The following NPAS3 variants were observed in gnomAD, a reference collection of about 807,000 sequenced individuals.
The protein encoded by NPAS3 is neuronal PAS domain-containing protein 3.
A neutral mutation model predicts 73.1 loss-of-function variants in NPAS3; 14 were observed. The ratio of observed to expected loss-of-function variants is 0.19; its 90% CI spans 0.13 to 0.30. The LOEUF is 0.30. Among genes scored for constraint, NPAS3 ranks in the 10% least tolerant of loss-of-function variants. The probability of loss-of-function intolerance (pLI) is 1.00; values close to 1 mark genes in which losing one functional copy is unlikely to be tolerated. For missense variants in NPAS3, 1,096 were observed against 1,250.0 expected (o/e 0.88, Z 1.86); for synonymous variants, 620 against 541.5 (o/e 1.14, Z -2.01).
At chr14:33,666,643 A>G (rs1000913357) in intron 5 of NPAS3, among the ~76,000 whole-genome samples, 2 of 152,134 alleles carry the variant, frequency 1.3e-5, no homozygotes, top group African/African-American at 4.8e-5. Context: ...TTGTGTTGTC[A>G]TATTTTTTTT....
At chr14:33,690,634 T>C (rs540262816) in intron 6 of NPAS3, among the ~76,000 whole-genome samples, 9 of 152,148 alleles carry the variant, frequency 5.9e-5, no homozygotes, top group Admixed American at 3.3e-4. Flanking sequence ...AAAGAGAACA[T>C]GTAAAAGAGA....
chr14:33,544,788 T>TTATATATATATATACATATATACA (rs2054708846), intron 4 of NPAS3, among the ~76,000 whole-genome samples: 2 of 63,256 alleles, frequency 3.2e-5, no homozygotes, highest in African/African-American at 1.7e-4. Flanking sequence ...TGTGTGTGTA[T>TTATATATATATATACATATATACA]TATATATATA....
At chr14:33,232,775 CA>C (rs1309339849) in intron 3 of NPAS3, among the ~76,000 whole-genome samples, 1 of 152,106 alleles carries the variant, frequency 6.6e-6, no homozygotes, top group East Asian at 1.9e-4. Context: ...AATTGCAGAG[CA>C]AAATTGTCGA....
At chr14:33,243,630 G>T (rs1280786781) in intron 3 of NPAS3, among the ~76,000 whole-genome samples, 1 of 152,084 alleles carries the variant, frequency 6.6e-6, no homozygotes, top group Non-Finnish European at 1.5e-5. Flanking sequence ...TGTGTCTGCT[G>T]CCTGGATGCT....
At chr14:33,081,378 T>C (rs113350670) in intron 2 of NPAS3, among the ~76,000 whole-genome samples, 233 of 152,312 alleles carry the variant, frequency 1.5e-3, no homozygotes, top group African/African-American at 5.4e-3. Context: ...AACTTTTTTT[T>C]TTTTCCCCAG....
intron 6 of NPAS3, among the ~76,000 whole-genome samples, chr14:33,679,602 G>GTTA (rs2059876322): frequency 6.6e-6 from 1 of 152,174 alleles, no homozygotes; most frequent in Non-Finnish European, 1.5e-5. Flanking sequence ...TTGATATATG[G>GTTA]TTATTATGAA....
chr14:33,696,026 G>C (rs71419952), intron 6 of NPAS3, among the ~76,000 whole-genome samples: 1 of 151,996 alleles, frequency 6.6e-6, no homozygotes, highest in South Asian at 2.1e-4. Context: ...TCTTTATTTA[G>C]GAACAGTTTT....
chr14:33,314,020 G>A (rs2043109681), intron 3 of NPAS3, among the ~76,000 whole-genome samples: 1 of 151,892 alleles, frequency 6.6e-6, no homozygotes, highest in Non-Finnish European at 1.5e-5. Flanking sequence ...ATGTTATTTG[G>A]ATGTTTTCTG....
At chr14:32,980,531 G>A (rs1482218367) in intron 1 of NPAS3, among the ~76,000 whole-genome samples, 1 of 152,084 alleles carries the variant, frequency 6.6e-6, no homozygotes, top group Non-Finnish European at 1.5e-5. Flanking sequence ...TTTGTAATGA[G>A]CTGTAAATTA....
intron 2 of NPAS3, among the ~76,000 whole-genome samples, chr14:33,176,588 G>A (rs890061326): frequency 1.3e-5 from 2 of 152,118 alleles, no homozygotes; most frequent in Non-Finnish European, 2.9e-5. Flanking sequence ...TCTACTGTAC[G>A]TAAATGCCAC....
chr14:33,595,413 C>A (rs1035193443), intron 5 of NPAS3, among the ~76,000 whole-genome samples: 7 of 151,826 alleles, frequency 4.6e-5, no homozygotes, highest in South Asian at 2.1e-4. Context: ...CTGGAGAAAT[C>A]GGCTGTAATT....
In NPAS3 at chr14:33,778,586, G is replaced by T. The variant is rs1462329893; in HGVS notation, c.1153+14G>T. 7 of 1,568,476 alleles carry T rather than the reference G, an allele frequency of 4.5e-6. No individual in the cohort carries two copies. Among genetic ancestry groups the T allele is most frequent in the Non-Finnish European group, 6.1e-6 (7 of 1,138,498 alleles). ...GTCACTTGGACTGTAAGTACCTCCT[G>T]TGTGGGGGAATAACCCCGGCTGGTG... On this transcript the variant is annotated intron_variant, in intron 9 of 11. Transcript: ENST00000356141.
intron 3 of NPAS3, among the ~76,000 whole-genome samples, chr14:33,216,862 C>G (rs2047242033): frequency 6.6e-6 from 1 of 152,058 alleles, no homozygotes; most frequent in Admixed American, 6.6e-5. Context: ...CAAAGGTAGC[C>G]CAGGAAAAAT....
intron 3 of NPAS3, among the ~76,000 whole-genome samples, chr14:33,334,304 C>T (rs894856315): frequency 3.3e-5 from 5 of 151,966 alleles, no homozygotes; most frequent in East Asian, 3.8e-4. Flanking sequence ...TATAGTTATG[C>T]GACCATCACC....
At chr14:33,602,494 T>G (rs139283373) in intron 5 of NPAS3, among the ~76,000 whole-genome samples, 2 of 152,206 alleles carry the variant, frequency 1.3e-5, no homozygotes, top group African/African-American at 4.8e-5. Context: ...AACGATACTT[T>G]ACTCAGTCCC....
At chr14:33,066,912 T>C (rs1332698452) in intron 2 of NPAS3, among the ~76,000 whole-genome samples, 2 of 152,106 alleles carry the variant, frequency 1.3e-5, no homozygotes, top group Non-Finnish European at 2.9e-5. Flanking sequence ...ACGGCTGAAA[T>C]CCGGAGAAAA....
chr14:33,338,951 A>G (rs767241161), intron 3 of NPAS3, among the ~76,000 whole-genome samples: 1 of 152,174 alleles, frequency 6.6e-6, no homozygotes, highest in Non-Finnish European at 1.5e-5. Flanking sequence ...TCTGTTAATA[A>G]TAACATAACT....
intron 3 of NPAS3, among the ~76,000 whole-genome samples, chr14:33,217,032 C>T (rs762277841): frequency 5.9e-5 from 9 of 152,226 alleles, no homozygotes; most frequent in South Asian, 2.1e-4. Flanking sequence ...CACACAGTTC[C>T]GCATGGCTGG....
At chr14:33,191,398 T>C (rs2046166701) in intron 2 of NPAS3, among the ~76,000 whole-genome samples, 1 of 152,178 alleles carries the variant, frequency 6.6e-6, no homozygotes, top group East Asian at 1.9e-4. Flanking sequence ...ATTATACAAA[T>C]ACAAGTAGAA....
Sources: allele counts gnomAD v4.1 joint callset (sites outside exome capture counted in the v4.1 genomes callset), GRCh38; gene constraint gnomAD v4.1.1; transcripts MANE v1.5; gene names NCBI Gene and HGNC (gene_info 2026-07-23, HGNC 2026-07-21).